KLHL22: variants seen among roughly 807,000 people sequenced by gnomAD.
KLHL22 encodes kelch-like protein 22.
Under a neutral mutation model 60.7 loss-of-function variants are expected in KLHL22, and 18 were observed. The ratio of observed to expected loss-of-function variants is 0.30; its 90% CI spans 0.20 to 0.44. KLHL22 has a LOEUF of 0.44. Among genes scored for constraint, KLHL22 ranks in the 20% least tolerant of loss-of-function variants. The pLI is 1.00. For missense variants in KLHL22, 596 were observed against 852.3 expected, an observed-to-expected ratio of 0.70 and a Z score of 3.74; for synonymous variants, 355 against 354.5, an observed-to-expected ratio of 1.00 and a Z score of -0.01.
chr22:20,455,915 C>T (rs966588490), intron 5 of KLHL22, among the ~76,000 whole-genome samples: 11 of 152,216 alleles, frequency 7.2e-5, no homozygotes, highest in Admixed American at 2.0e-4. Context: ...GGAGGTTTCC[C>T]ATGCCAGTTG....
At chr22:20,488,243 C>A (rs1252452284) in intron 2 of KLHL22, among the ~76,000 whole-genome samples, 1 of 152,126 alleles carries the variant, frequency 6.6e-6, no homozygotes, top group African/African-American at 2.4e-5. Context: ...GCTTGGAGTC[C>A]CATGACAACC....
chr22:20,450,807 G>A (rs2052964546), intron 5 of KLHL22: 1 of 1,468,186 alleles, frequency 6.8e-7, no homozygotes, highest in Admixed American at 1.7e-5. Flanking sequence ...TAACCCTCAG[G>A]TATATCACAG....
chr22:20,483,589 G>T (rs1341017393), intron 2 of KLHL22: 5 of 727,198 alleles, frequency 6.9e-6, no homozygotes, highest in Non-Finnish European at 7.6e-6. Context: ...CTAGTGCATG[G>T]GCAGTTCTGT....
intron 5 of KLHL22, among the ~76,000 whole-genome samples, chr22:20,452,232 A>G (rs2052991119): frequency 6.6e-6 from 1 of 151,692 alleles, no homozygotes; most frequent in South Asian, 2.1e-4. Context: ...AAAGATACCA[A>G]TTTAAGTAAA....
In KLHL22 at chr22:20,489,215, G is replaced by C; in HGVS notation, c.-4C>G. ...TGAACTCCTGCTCCTCTGCCATCCT[G>C]ACAGCCACAAGATCCCTTACAACTG... On this transcript the variant is annotated 5_prime_UTR_variant, in exon 2 of 7. Transcript: ENST00000328879. 4 of 1,613,776 alleles carry C rather than the reference G, an allele frequency of 2.5e-6. No homozygotes were observed. The highest frequency in any genetic ancestry group is 3.4e-6 in the Non-Finnish European group (4 of 1,179,980).
intron 5 of KLHL22, among the ~76,000 whole-genome samples, chr22:20,452,821 C>T (rs1417271437): frequency 1.3e-5 from 2 of 152,178 alleles, no homozygotes; most frequent in Admixed American, 6.5e-5. Context: ...TGACAGTAGC[C>T]TAGTAGTTCA....
chr22:20,494,081 C>CG (rs980540457), intron 1 of KLHL22, among the ~76,000 whole-genome samples: 4 of 112,554 alleles, frequency 3.6e-5, no homozygotes, highest in Non-Finnish European at 7.5e-5. Context: ...TTTGCCCCCC[C>CG]CCCAAAAAAA....
At chr22:20,489,616 G>A (rs2053649484) in intron 1 of KLHL22, among the ~76,000 whole-genome samples, 1 of 152,202 alleles carries the variant, frequency 6.6e-6, no homozygotes, top group South Asian at 2.1e-4. Context: ...AGAGATAAAA[G>A]TACCTACCCC....
intron 2 of KLHL22, chr22:20,488,639 T>TCTCGGTGGACGAC: frequency 3.8e-6 from 1 of 265,656 alleles, no homozygotes; most frequent in South Asian, 3.1e-5. Flanking sequence ...CAGAAGGTGA[T>TCTCGGTGGACGAC]GCATACACAG....
intron 2 of KLHL22, among the ~76,000 whole-genome samples, chr22:20,477,340 G>T (rs1362179511): frequency 6.6e-6 from 1 of 151,810 alleles, no homozygotes. Flanking sequence ...GCAGTGAGCT[G>T]ATATCGCACC....
chr22:20,451,090 G>T, intron 5 of KLHL22: 2 of 1,466,706 alleles, frequency 1.4e-6, no homozygotes, highest in Non-Finnish European at 1.9e-6. Context: ...TGTGGCCTCA[G>T]TGTCCCTACA....
intron 2 of KLHL22, among the ~76,000 whole-genome samples, chr22:20,484,938 T>A (rs570171720): frequency 1.4e-4 from 21 of 152,100 alleles, no homozygotes; most frequent in African/African-American, 5.1e-4. Context: ...CTGAAACTGC[T>A]CTGAAAAAAT....
intron 2 of KLHL22, among the ~76,000 whole-genome samples, chr22:20,485,176 G>A (rs1308015722): frequency 6.6e-6 from 1 of 152,156 alleles, no homozygotes; most frequent in African/African-American, 2.4e-5. Context: ...AGGGAGGGAC[G>A]AGGTGACCCA....
At chr22:20,445,802 C>T (rs2052850470) in intron 6 of KLHL22, among the ~76,000 whole-genome samples, 1 of 151,362 alleles carries the variant, frequency 6.6e-6, no homozygotes, top group African/African-American at 2.4e-5. Context: ...CTGGCTCTGT[C>T]GCCCAGGCTG....
chr22:20,483,524 G>A, intron 2 of KLHL22: 2 of 726,024 alleles, frequency 2.8e-6, no homozygotes, highest in Non-Finnish European at 5.1e-6. Context: ...TACAGCTGAG[G>A]GACATTGGTG....
intron 3 of KLHL22, among the ~76,000 whole-genome samples, chr22:20,470,229 G>T (rs185616836): frequency 6.6e-6 from 1 of 151,808 alleles, no homozygotes; most frequent in African/African-American, 2.4e-5. Context: ...CGCATCTTTA[G>T]TCCCAGCTAC....
intron 5 of KLHL22, chr22:20,451,363 C>T (rs1156918113): frequency 1.9e-5 from 30 of 1,611,520 alleles, no homozygotes; most frequent in Non-Finnish European, 2.3e-5. Flanking sequence ...GCAGACAGCC[C>T]GGGAAGGTGC....
rs1240999063 is a variant in KLHL22 at position 20,489,623 on chromosome 22, C to T, written c.-33-379G>A. 10 of 457,606 alleles carry T rather than the reference C, an allele frequency of 2.2e-5. No individual in the cohort carries two copies. The East Asian group carries it at 5.4e-4, about 25-fold the overall frequency. 28.3% of individuals were successfully genotyped at this position (457,606 alleles called of 1,614,324 possible). ...TTAAAAAGAGAGATAAAAGTACCTA[C>T]CCCATTGGGGTATTCTAAAATTGGT... On this transcript the variant is annotated intron_variant, in intron 1 of 6. Transcript: ENST00000328879.
intron 5 of KLHL22, among the ~76,000 whole-genome samples, chr22:20,457,330 C>T (rs1003986859): frequency 1.3e-5 from 2 of 151,834 alleles, no homozygotes; most frequent in Non-Finnish European, 2.9e-5. Flanking sequence ...AAAATAAAAC[C>T]TTAGAGTGTT....
Sources: gnomAD v4.1 joint callset for allele counts (sites outside exome capture counted in the v4.1 genomes callset) on GRCh38, gnomAD v4.1.1 for gene constraint, MANE v1.5 for transcripts, NCBI Gene and HGNC (gene_info 2026-07-23, HGNC 2026-07-21) for gene names.